Variants in DYRK1A observed in about 807,000 individuals in gnomAD.
DYRK1A encodes dual specificity tyrosine-phosphorylation-regulated kinase 1A.
DYRK1A carries 9 observed loss-of-function variants against 79.7 expected under a neutral mutation model. The observed-to-expected ratio is 0.11, with a 90% CI of 0.07 to 0.20. The LOEUF (loss-of-function observed/expected upper bound fraction) is 0.20, where lower values mean the gene tolerates loss of function less well. DYRK1A is among the 10% of genes least tolerant of loss of function. DYRK1A has a pLI of 1.00. For missense variants in DYRK1A, 622 were observed against 956.0 expected (o/e 0.65, Z 4.61); for synonymous variants, 349 against 329.7 (o/e 1.06, Z -0.63).
chr21:37,508,667 T>G (rs1256371696), intron 11 of DYRK1A, among the ~76,000 whole-genome samples: 1 of 152,208 alleles, frequency 6.6e-6, no homozygotes, highest in African/African-American at 2.4e-5. Context: ...GCGTCGGTGC[T>G]TTCCAGGATC....
intron 9 of DYRK1A, chr21:37,501,182 T>TTTTTTTTTTTTTTTTTTG (rs1569392809): frequency 7.0e-6 from 1 of 143,716 alleles, no homozygotes; most frequent in African/African-American, 2.7e-5. Flanking sequence ...TTTTTTTTTT[T>TTTTTTTTTTTTTTTTTTG]TTTTTTTAAG....
At chr21:37,376,144 G>C (rs1181659843) in intron 1 of DYRK1A, among the ~76,000 whole-genome samples, 1 of 152,138 alleles carries the variant, frequency 6.6e-6, no homozygotes, top group Admixed American at 6.6e-5. Context: ...AAATCAGAAT[G>C]ATGCCTGCAC....
intron 6 of DYRK1A, chr21:37,488,668 A>G (rs1348183547): frequency 9.1e-6 from 9 of 985,250 alleles, no homozygotes; most frequent in Non-Finnish European, 9.6e-6. Context: ...TGTAGATACT[A>G]AGTAAATGAA....
chr21:37,457,180 C>T (rs2051678823), intron 2 of DYRK1A, among the ~76,000 whole-genome samples: 1 of 152,072 alleles, frequency 6.6e-6, no homozygotes, highest in African/African-American at 2.4e-5. Context: ...TGACTCTTGT[C>T]TCAGACTCCG....
chr21:37,450,027 C>T (rs1037056541), intron 2 of DYRK1A, among the ~76,000 whole-genome samples: 5 of 152,174 alleles, frequency 3.3e-5, no homozygotes, highest in East Asian at 1.9e-4. Flanking sequence ...CAGTCTGCTT[C>T]GGATCCCACA....
chr21:37,446,360 G>C (rs1315170564), intron 2 of DYRK1A, among the ~76,000 whole-genome samples: 1 of 152,172 alleles, frequency 6.6e-6, no homozygotes, highest in Non-Finnish European at 1.5e-5. Context: ...AAATACTGTA[G>C]TGGATGCAAC....
intron 4 of DYRK1A, among the ~76,000 whole-genome samples, chr21:37,479,624 T>G (rs1410474163): frequency 4.7e-5 from 5 of 106,516 alleles, no homozygotes; most frequent in African/African-American, 2.0e-4. Flanking sequence ...TTTTTGTTTT[T>G]TTTTTTTTTT....
chr21:37,459,581 A>ACCT (rs1474963073), intron 2 of DYRK1A, among the ~76,000 whole-genome samples: 1 of 152,144 alleles, frequency 6.6e-6, no homozygotes, highest in Non-Finnish European at 1.5e-5. Flanking sequence ...TTTTCAGTTT[A>ACCT]GCCTGATTAG....
At chr21:37,437,505 T>C (rs546685410) in intron 2 of DYRK1A, among the ~76,000 whole-genome samples, 2 of 152,302 alleles carry the variant, frequency 1.3e-5, no homozygotes, top group South Asian at 2.1e-4. Flanking sequence ...CTTCACATAA[T>C]TGAAAGTATA....
At chr21:37,426,312 A>T (rs536859426) in intron 2 of DYRK1A, among the ~76,000 whole-genome samples, 1 of 152,310 alleles carries the variant, frequency 6.6e-6, no homozygotes, top group Non-Finnish European at 1.5e-5. Context: ...GTGGACAGGG[A>T]TCATAGTCAA....
intron 11 of DYRK1A, among the ~76,000 whole-genome samples, chr21:37,511,160 G>A (rs1480750356): frequency 2.0e-5 from 3 of 152,234 alleles, no homozygotes; most frequent in Non-Finnish European, 2.9e-5. Context: ...GGTAGCCAGG[G>A]ATAGGATGGG....
chr21:37,472,197 G>C (rs1330631368), intron 2 of DYRK1A, among the ~76,000 whole-genome samples: 1 of 152,168 alleles, frequency 6.6e-6, no homozygotes, highest in Admixed American at 6.5e-5. Context: ...GATTGCCTGT[G>C]TCAGTGGAGA....
intron 2 of DYRK1A, among the ~76,000 whole-genome samples, chr21:37,427,743 C>T (rs781088169): frequency 6.6e-6 from 1 of 152,146 alleles, no homozygotes; most frequent in Non-Finnish European, 1.5e-5. Context: ...ACCAGCTGCA[C>T]ATCAGAATTT....
chr21:37,512,804 G>T lies in DYRK1A; in HGVS notation c.*273G>T. On this transcript the variant is annotated 3_prime_UTR_variant, in exon 12 of 12. Coordinates refer to ENST00000647188, the MANE Select transcript of DYRK1A (RefSeq NM_001347721.2). Reference sequence around the variant, plus strand: ...ACTTGCCACATCCCAGTCACAGTGGGGTTTTTTTGTCTTTCTATTCAGCAA... The same window carrying T: ...ACTTGCCACATCCCAGTCACAGTGGTGTTTTTTTGTCTTTCTATTCAGCAA... 2.4e-6 allele frequency: 1 copy of T among 412,318 alleles called. No homozygotes were observed. Among genetic ancestry groups the T allele is most frequent in the South Asian group, 5.8e-5 (1 of 17,260 alleles). The allele number at this position is 412,318 out of a possible 1,614,324, so 25.5% of individuals were successfully genotyped here.
At position 37,524,344 on chromosome 21, in the gene DYRK1A, A is replaced by G. The variant is rs572570167; in HGVS notation, c.*11813A>G. On this transcript the variant is annotated 3_prime_UTR_variant, in exon 12 of 12. Transcript: ENST00000647188. Reference sequence around the variant, plus strand: ...ATCAAGATATTTCTAATTCACAAGAAAGCAATGGTCAGAAAAATTAGAAAA... The same window carrying G: ...ATCAAGATATTTCTAATTCACAAGAGAGCAATGGTCAGAAAAATTAGAAAA... 1 of 152,366 alleles carries G rather than the reference A, an allele frequency of 6.6e-6. No individual in the cohort carries two copies. Among genetic ancestry groups the G allele is most frequent in the South Asian group, 2.1e-4 (1 of 4,832 alleles). 9.4% of individuals were successfully genotyped at this position (152,366 alleles called of 1,614,324 possible).
At chr21:37,373,247 T>C (rs534178571) in intron 1 of DYRK1A, among the ~76,000 whole-genome samples, 21 of 152,274 alleles carry the variant, frequency 1.4e-4, no homozygotes, top group Non-Finnish European at 1.6e-4. Flanking sequence ...AATGAGACAC[T>C]ATAATGAAGT....
intron 5 of DYRK1A, among the ~76,000 whole-genome samples, chr21:37,485,996 TAGAA>T (rs1283502079): frequency 2.0e-5 from 3 of 152,164 alleles, no homozygotes; most frequent in Admixed American, 6.5e-5. Flanking sequence ...AATTGAAAGT[TAGAA>T]AGTTATCTGA....
intron 1 of DYRK1A, among the ~76,000 whole-genome samples, chr21:37,413,678 G>A (rs971069421): frequency 8.5e-5 from 13 of 152,144 alleles, no homozygotes; most frequent in Non-Finnish European, 1.6e-4. Flanking sequence ...AGCACTAAGC[G>A]CTGGATCTCA....
chr21:37,511,567 ACTTC>A (rs1383365651), intron 11 of DYRK1A, among the ~76,000 whole-genome samples: 1 of 152,158 alleles, frequency 6.6e-6, no homozygotes, highest in East Asian at 1.9e-4. Flanking sequence ...AAAAGTAAAG[ACTTC>A]CTTTTGGACC....
Sources: allele counts gnomAD v4.1 joint callset (sites outside exome capture counted in the v4.1 genomes callset), GRCh38; gene constraint gnomAD v4.1.1; transcripts MANE v1.5; gene names NCBI Gene and HGNC (gene_info 2026-07-23, HGNC 2026-07-21).